Variants in EPM2A observed in about 807,000 individuals in gnomAD.
EPM2A encodes EPM2A glucan phosphatase, laforin, also known as laforin.
A neutral mutation model predicts 26.5 loss-of-function variants in EPM2A; 21 were observed. That is an observed-to-expected ratio of 0.79 (90% CI 0.56 to 1.14). The LOEUF is 1.14. Ranked by LOEUF, EPM2A falls within the 50% of genes most tolerant of loss-of-function variation. EPM2A has a pLI of 0.00. For synonymous variants in EPM2A, 217 were observed against 177.6 expected (o/e 1.22, Z -1.76); for missense variants, 458 against 440.8 (o/e 1.04, Z -0.35).
chr6:145,495,020 T>G (rs1221014805), intron 4 of EPM2A, among the ~76,000 whole-genome samples: 1 of 152,210 alleles, frequency 6.6e-6, no homozygotes, highest in Admixed American at 6.5e-5. Flanking sequence ...GATCCAGACC[T>G]GAGTTCAGGT....
intron 2 of EPM2A, among the ~76,000 whole-genome samples, chr6:145,659,789 A>G (rs1778553764): frequency 6.6e-6 from 1 of 152,218 alleles, no homozygotes; most frequent in Non-Finnish European, 1.5e-5. Flanking sequence ...CTCTTGTACC[A>G]ACCACAGAGT....
intron 4 of EPM2A, among the ~76,000 whole-genome samples, chr6:145,478,203 C>T (rs550288055): frequency 6.6e-6 from 1 of 151,636 alleles, no homozygotes; most frequent in African/African-American, 2.4e-5. Flanking sequence ...AAATTAAATA[C>T]CTTGGAATTA....
intron 2 of EPM2A, among the ~76,000 whole-genome samples, chr6:145,611,928 A>G (rs928232209): frequency 6.6e-6 from 1 of 152,052 alleles, no homozygotes; most frequent in Non-Finnish European, 1.5e-5. Context: ...GATGGCTTGA[A>G]CTCTATTCTT....
At chr6:145,403,661 A>G (rs945549232) in intron 4 of EPM2A, among the ~76,000 whole-genome samples, 1 of 152,042 alleles carries the variant, frequency 6.6e-6, no homozygotes, top group Non-Finnish European at 1.5e-5. Flanking sequence ...TTATCTGTTC[A>G]TCTGTTGATG....
intron 4 of EPM2A, among the ~76,000 whole-genome samples, chr6:145,472,111 C>A (rs1298779788): frequency 6.6e-6 from 1 of 151,352 alleles, no homozygotes; most frequent in African/African-American, 2.4e-5. Flanking sequence ...GTCATGAGGC[C>A]CCCATTTCAG....
chr6:145,550,225 C>A (rs1377765173), intron 2 of EPM2A, among the ~76,000 whole-genome samples: 2 of 151,994 alleles, frequency 1.3e-5, no homozygotes, highest in Non-Finnish European at 2.9e-5. Context: ...GGTAATGAAT[C>A]CCCTTCCCAG....
intron 2 of EPM2A, among the ~76,000 whole-genome samples, chr6:145,518,148 C>A (rs556397042): frequency 1.3e-5 from 2 of 152,098 alleles, no homozygotes; most frequent in African/African-American, 4.8e-5. Flanking sequence ...AGCATGAAGG[C>A]GAATGTGTTT....
intron 2 of EPM2A, among the ~76,000 whole-genome samples, chr6:145,595,091 G>C (rs936166695): frequency 6.6e-6 from 1 of 150,634 alleles, no homozygotes; most frequent in South Asian, 2.1e-4. Context: ...TTCATTCTAA[G>C]ATTAGCAGAG....
At chr6:145,403,997 G>A in intron 4 of EPM2A, among the ~76,000 whole-genome samples, 1 of 152,216 alleles carries the variant, frequency 6.6e-6, no homozygotes, top group African/African-American at 2.4e-5. Flanking sequence ...GTTTTGATTT[G>A]CATTTCTCTG....
chr6:145,422,571 A>G (rs1233535246), intron 4 of EPM2A, among the ~76,000 whole-genome samples: 1 of 151,988 alleles, frequency 6.6e-6, no homozygotes, highest in African/African-American at 2.4e-5. Flanking sequence ...ATTAATCTCA[A>G]GTCAGTTCAC....
At chr6:145,502,628 G>A in intron 2 of EPM2A, 1 of 469,992 alleles carries the variant, frequency 2.1e-6, no homozygotes, top group East Asian at 7.0e-5. Flanking sequence ...CACAGTGCCA[G>A]CCTTGCTCAA....
intron 2 of EPM2A, among the ~76,000 whole-genome samples, chr6:145,568,415 G>A (rs1048420044): frequency 1.3e-5 from 2 of 151,738 alleles, no homozygotes; most frequent in East Asian, 1.9e-4. Context: ...TGCCTCCTGG[G>A]TTCCAGCGAT....
intron 2 of EPM2A, among the ~76,000 whole-genome samples, chr6:145,674,493 G>A (rs997479774): frequency 2.0e-5 from 3 of 152,068 alleles, no homozygotes; most frequent in Admixed American, 1.3e-4. Flanking sequence ...AAATTTGTCC[G>A]AGCCAAACGA....
intron 1 of EPM2A, among the ~76,000 whole-genome samples, chr6:145,718,762 A>G (rs959315897): frequency 1.3e-5 from 2 of 152,236 alleles, no homozygotes; most frequent in Non-Finnish European, 2.9e-5. Flanking sequence ...ATGAACTCAA[A>G]CAAATTTACA....
chr6:145,527,955 A>T (rs1379266195), intron 2 of EPM2A, among the ~76,000 whole-genome samples: 2 of 152,198 alleles, frequency 1.3e-5, no homozygotes, highest in East Asian at 3.8e-4. Context: ...AACAAAAAAA[A>T]AAGTGAAACA....
intron 2 of EPM2A, among the ~76,000 whole-genome samples, chr6:145,675,815 TC>T (rs1779992153): frequency 6.6e-6 from 1 of 152,054 alleles, no homozygotes; most frequent in Admixed American, 6.6e-5. Context: ...AGACTTAGAC[TC>T]CCAAACAATA....
At chr6:145,656,716 G>A (rs1473135622) in intron 2 of EPM2A, among the ~76,000 whole-genome samples, 1 of 152,112 alleles carries the variant, frequency 6.6e-6, no homozygotes, top group Admixed American at 6.5e-5. Flanking sequence ...TGCCAAAGGA[G>A]TTGTATGAAG....
Position 145,390,465 on chromosome 6 carries a change from A to T in EPM2A, c.556-6368T>A, listed in dbSNP as rs118168126. ...TCCTAGGCTGTTTATTTTCTGCCAAACTTGTCTGGTGATAGTTCTGCAGGA... is the reference window on the plus strand; with the variant it reads ...TCCTAGGCTGTTTATTTTCTGCCAATCTTGTCTGGTGATAGTTCTGCAGGA... On this transcript the variant is annotated intron_variant, in intron 4 of 4. Coordinates refer to the EPM2A transcript ENST00000638717. Among the ~76,000 whole-genome samples, 1,068 of 152,212 alleles carry T rather than the reference A, an allele frequency of 7.0e-3. 5 individuals carry two copies. Among genetic ancestry groups the T allele is most frequent in the Non-Finnish European group, 0.012 (821 of 68,000 alleles).
At chr6:145,642,600 C>A (rs567144960) in intron 2 of EPM2A, among the ~76,000 whole-genome samples, 1 of 152,066 alleles carries the variant, frequency 6.6e-6, no homozygotes, top group Admixed American at 6.6e-5. Flanking sequence ...TTGTAATGTG[C>A]TTTTAAGGAC....
Sources: allele counts gnomAD v4.1 joint callset (sites outside exome capture counted in the v4.1 genomes callset), GRCh38; gene constraint gnomAD v4.1.1; transcripts MANE v1.5; gene names NCBI Gene and HGNC (gene_info 2026-07-23, HGNC 2026-07-21).